The following PARD3 variants were observed in gnomAD, a reference collection of about 807,000 sequenced individuals.
PARD3 encodes the protein par-3 family cell polarity regulator.
In PARD3, 75 loss-of-function variants were observed where a neutral mutation model predicts 155.4. The observed-to-expected ratio is 0.48, with a 90% confidence interval of 0.40 to 0.58. The LOEUF is 0.58. Among genes scored for constraint, PARD3 ranks in the 20% least tolerant of loss-of-function variants. PARD3 has a pLI of 0.00. For missense variants in PARD3, 1,642 were observed against 1,721.7 expected, an observed-to-expected ratio of 0.95 and a Z score of 0.82; for synonymous variants, 576 against 610.5, an observed-to-expected ratio of 0.94 and a Z score of 0.83.
chr10:34,709,368 C>G (rs1332174431), intron 1 of PARD3, among the ~76,000 whole-genome samples: 1 of 152,124 alleles, frequency 6.6e-6, no homozygotes, highest in African/African-American at 2.4e-5. Context: ...AATTTGGGAG[C>G]ATTTCATATT....
intron 11 of PARD3, among the ~76,000 whole-genome samples, chr10:34,372,836 T>C (rs1840827951): frequency 6.6e-6 from 1 of 152,136 alleles, no homozygotes; most frequent in Non-Finnish European, 1.5e-5. Flanking sequence ...TTCCTAATCA[T>C]GGCACTGTTT....
chr10:34,665,972 G>A (rs935594763), intron 2 of PARD3, among the ~76,000 whole-genome samples: 16 of 151,452 alleles, frequency 1.1e-4, no homozygotes, highest in African/African-American at 2.2e-4. Flanking sequence ...CTAGCACCAC[G>A]GGAGGCCAAG....
At chr10:34,564,248 G>C (rs2085743189) in intron 2 of PARD3, among the ~76,000 whole-genome samples, 1 of 152,202 alleles carries the variant, frequency 6.6e-6, no homozygotes, top group Non-Finnish European at 1.5e-5. Context: ...GAAGTAGTGT[G>C]TCATCCAATG....
chr10:34,707,337 T>C (rs1252535093), intron 1 of PARD3, among the ~76,000 whole-genome samples: 1 of 152,034 alleles, frequency 6.6e-6, no homozygotes, highest in Non-Finnish European at 1.5e-5. Context: ...CATGTTCTAA[T>C]CACATCATGA....
At chr10:34,121,878 C>T (rs1489977420) in intron 23 of PARD3, among the ~76,000 whole-genome samples, 1 of 152,234 alleles carries the variant, frequency 6.6e-6, no homozygotes, top group Non-Finnish European at 1.5e-5. Context: ...GTTCAAATAA[C>T]ACATCAGTGA....
intron 2 of PARD3, among the ~76,000 whole-genome samples, chr10:34,592,788 T>C (rs1415488688): frequency 2.0e-5 from 3 of 151,930 alleles, no homozygotes; most frequent in Non-Finnish European, 4.4e-5. Flanking sequence ...AACTATATAA[T>C]AATAATCATG....
chr10:34,743,666 T>C (rs919059244), intron 1 of PARD3, among the ~76,000 whole-genome samples: 2 of 152,206 alleles, frequency 1.3e-5, no homozygotes, highest in Non-Finnish European at 2.9e-5. Flanking sequence ...CCTTGATAGA[T>C]TGTACATACA....
intron 1 of PARD3, among the ~76,000 whole-genome samples, chr10:34,728,117 C>T (rs575586391): frequency 6.6e-5 from 10 of 151,966 alleles, no homozygotes; most frequent in East Asian, 5.8e-4. Context: ...TATGATGAAT[C>T]TGTAGGCAAG....
intron 2 of PARD3, among the ~76,000 whole-genome samples, chr10:34,606,561 G>A (rs1414076918): frequency 6.7e-6 from 1 of 150,066 alleles, no homozygotes; most frequent in East Asian, 2.0e-4. Flanking sequence ...AGCCTTTTGG[G>A]AGGCTGAGGC....
rs2075481432 is a variant in PARD3 at position 34,424,450 on chromosome 10, T to C, written c.715-22533A>G. Among the ~76,000 whole-genome samples, 3 of 152,176 alleles carry C rather than the reference T, an allele frequency of 2.0e-5. No homozygotes were observed. In the South Asian group the frequency reaches 6.2e-4, roughly 32 times the overall value. On this transcript the variant is annotated intron_variant, in intron 5 of 24. Transcript: ENST00000374788. ...GACTCCAGAAGGAACTAATCAAATA[T>C]GCAGCATGATGAAACTGGGCTTAGT... is the stretch of plus-strand genomic sequence containing the variant.
chr10:34,631,868 G>A (rs772301230), intron 2 of PARD3, among the ~76,000 whole-genome samples: 1 of 152,204 alleles, frequency 6.6e-6, no homozygotes, highest in African/African-American at 2.4e-5. Context: ...AAAGTACTGG[G>A]ATTACAGGTG....
At chr10:34,750,506 CACA>C (rs1564578476) in intron 1 of PARD3, among the ~76,000 whole-genome samples, 10 of 138,570 alleles carry the variant, frequency 7.2e-5, no homozygotes, top group Admixed American at 3.6e-4. Flanking sequence ...CACACACACA[CACA>C]CCCTAAGACT....
chr10:34,651,443 C>A (rs1031431715), intron 2 of PARD3, among the ~76,000 whole-genome samples: 1 of 152,206 alleles, frequency 6.6e-6, no homozygotes, highest in Admixed American at 6.5e-5. Flanking sequence ...ATTGGTGAAG[C>A]CCCTTCCCTG....
At chr10:34,318,893 G>A (rs984274748) in intron 19 of PARD3, among the ~76,000 whole-genome samples, 1 of 151,782 alleles carries the variant, frequency 6.6e-6, no homozygotes, top group African/African-American at 2.4e-5. Flanking sequence ...AGCCTCCCGA[G>A]TAGCTGGGAT....
At chr10:34,232,857 C>A (rs912438863) in intron 22 of PARD3, among the ~76,000 whole-genome samples, 1 of 151,820 alleles carries the variant, frequency 6.6e-6, no homozygotes, top group Non-Finnish European at 1.5e-5. Flanking sequence ...CATGCCATCA[C>A]GTGTGGCTAA....
At chr10:34,372,601 CAAT>C in intron 11 of PARD3, 65 bp from the exon 12 acceptor site, 4 of 1,115,904 alleles carry the variant, frequency 3.6e-6, no homozygotes, top group South Asian at 2.6e-5. Context: ...CACAGGGACA[CAAT>C]GATTTATTTT....
In PARD3 at chr10:34,446,439, G is replaced by A. The variant is rs532784667; in HGVS notation, c.714+3878C>T. On this transcript the variant is annotated intron_variant, in intron 5 of 24. Coordinates refer to ENST00000374788, the MANE Select transcript of PARD3 (RefSeq NM_001184785.2). ...TTGACACGGCAACCCCTGAGACAAGGTCTACAATTATCCCTATTTGCTGGA... is the reference window on the plus strand; with the variant it reads ...TTGACACGGCAACCCCTGAGACAAGATCTACAATTATCCCTATTTGCTGGA... Among the ~76,000 whole-genome samples the A allele has an allele frequency of 3.0e-4, 46 of 152,156 alleles. No individual in the cohort carries two copies. The South Asian group carries it at 9.6e-3, about 32-fold the overall frequency.
intron 5 of PARD3, among the ~76,000 whole-genome samples, chr10:34,418,243 T>G (rs937117662): frequency 1.3e-5 from 2 of 151,890 alleles, no homozygotes; most frequent in Non-Finnish European, 2.9e-5. Flanking sequence ...GGCTTGATCT[T>G]AGCTCAATGC....
At chr10:34,803,353 G>C (rs1254871852) in intron 1 of PARD3, among the ~76,000 whole-genome samples, 1 of 151,810 alleles carries the variant, frequency 6.6e-6, no homozygotes, top group Non-Finnish European at 1.5e-5. Context: ...TCAGAATCCT[G>C]ATCCATGATG....
Sources: gnomAD v4.1 joint callset for allele counts (sites outside exome capture counted in the v4.1 genomes callset) on GRCh38, gnomAD v4.1.1 for gene constraint, MANE v1.5 for transcripts, NCBI Gene and HGNC (gene_info 2026-07-23, HGNC 2026-07-21) for gene names.